TTC23L: variants seen among roughly 807,000 people sequenced by gnomAD.
The protein encoded by TTC23L is tetratricopeptide repeat protein 23-like.
TTC23L carries 42 observed loss-of-function variants against 48.1 expected under a neutral mutation model. The ratio of observed to expected loss-of-function variants is 0.87; its 90% CI spans 0.68 to 1.13. The LOEUF (loss-of-function observed/expected upper bound fraction) is 1.13, where lower values mean the gene tolerates loss of function less well. Among genes scored for constraint, TTC23L ranks in the 50% most tolerant of loss-of-function variants. TTC23L has a pLI of 0.00. For synonymous variants in TTC23L, 159 were observed against 157.2 expected, an observed-to-expected ratio of 1.01 and a Z score of -0.09; for missense variants, 391 against 421.0, an observed-to-expected ratio of 0.93 and a Z score of 0.62.
chr5:34,923,072 C>A, the TTC23L span: 1 of 1,567,002 alleles, frequency 6.4e-7, no homozygotes, highest in South Asian at 1.1e-5. Context: ...TTAAAATTAG[C>A]TATCCAAAAT....
At chr5:34,893,952 A>G (rs1763035372) in intron 9 of TTC23L, among the ~76,000 whole-genome samples, 1 of 152,212 alleles carries the variant, frequency 6.6e-6, no homozygotes, top group Non-Finnish European at 1.5e-5. Context: ...TTCAAAACAT[A>G]AAATGCCATT....
intron 2 of TTC23L, 147 bp from the exon 3 acceptor site, chr5:34,845,340 T>G: frequency 1.3e-6 from 1 of 776,602 alleles, no homozygotes; most frequent in Non-Finnish European, 1.9e-6. Context: ...GAGGGCGACG[T>G]GAGTTTACTG....
exon 5 of TTC23L, chr5:34,862,944 A>C: frequency 6.2e-7 from 1 of 1,613,990 alleles, no homozygotes; most frequent in Non-Finnish European, 8.5e-7. Context: ...CCAAGAATAC[A>C]CTGTTGACCT....
At chr5:34,847,228 C>T (rs1350850044) in intron 3 of TTC23L, among the ~76,000 whole-genome samples, 1 of 152,176 alleles carries the variant, frequency 6.6e-6, no homozygotes, top group Non-Finnish European at 1.5e-5. Flanking sequence ...TTGCAAAGGA[C>T]AGTCATCCTG....
chr5:34,841,611 A>G (rs1040715362), intron 2 of TTC23L, among the ~76,000 whole-genome samples: 12 of 152,118 alleles, frequency 7.9e-5, no homozygotes, highest in African/African-American at 2.9e-4. Flanking sequence ...TTGGCCTCTT[A>G]GGCTCAAGAG....
At chr5:34,850,394 T>C in intron 4 of TTC23L, 86 bp downstream of exon 4, 1 of 1,545,210 alleles carries the variant, frequency 6.5e-7, no homozygotes, top group East Asian at 2.3e-5. Context: ...TGGGCATGAC[T>C]AGGAGGGCCC....
chr5:34,884,025 A>C (rs537713508), intron 9 of TTC23L, among the ~76,000 whole-genome samples: 9 of 152,302 alleles, frequency 5.9e-5, no homozygotes, highest in Admixed American at 1.3e-4. Context: ...TAGCAAACTA[A>C]ATTTAACAGC....
At chr5:34,882,817 A>C (rs1762317510) in intron 9 of TTC23L, among the ~76,000 whole-genome samples, 1 of 152,132 alleles carries the variant, frequency 6.6e-6, no homozygotes, top group Non-Finnish European at 1.5e-5. Context: ...AGGCAGGAGG[A>C]TTGCTTGAGC....
chr5:34,867,175 T>A, intron 7 of TTC23L, 106 bp downstream of exon 7: 1 of 1,206,238 alleles, frequency 8.3e-7, no homozygotes, highest in Non-Finnish European at 1.2e-6. Context: ...GGGCTGGAAT[T>A]GATTCTGTTT....
At chr5:34,853,602 G>T (rs1759868757) in intron 4 of TTC23L, among the ~76,000 whole-genome samples, 1 of 152,088 alleles carries the variant, frequency 6.6e-6, no homozygotes, top group Non-Finnish European at 1.5e-5. Context: ...AATGGGTAGG[G>T]TAAAGGGGGG....
intron 3 of TTC23L, among the ~76,000 whole-genome samples, chr5:34,846,164 A>G (rs1346550233): frequency 6.6e-6 from 1 of 152,020 alleles, no homozygotes; most frequent in Non-Finnish European, 1.5e-5. Context: ...CAGCCTGGGT[A>G]ACAGAATGAG....
downstream of TTC23L, among the ~76,000 whole-genome samples, chr5:34,901,908 T>C (rs1763520166): frequency 6.6e-6 from 1 of 152,196 alleles, no homozygotes; most frequent in Non-Finnish European, 1.5e-5. Context: ...CAAACTGGAT[T>C]AAAAAGGCTT....
At chr5:34,842,405 G>A (rs1758762200) in intron 2 of TTC23L, among the ~76,000 whole-genome samples, 1 of 151,866 alleles carries the variant, frequency 6.6e-6, no homozygotes, top group Non-Finnish European at 1.5e-5. Flanking sequence ...TGTTTGGGGG[G>A]CCCCTATGTA....
chr5:34,916,036 G>A, the TTC23L span: 1 of 959,904 alleles, frequency 1.0e-6, no homozygotes, highest in Non-Finnish European at 1.5e-6. Context: ...CAATTCTCCC[G>A]GCCAGACTGG....
At chr5:34,886,345 G>A (rs142242471) in intron 9 of TTC23L, among the ~76,000 whole-genome samples, 176 of 139,614 alleles carry the variant, frequency 1.3e-3, no homozygotes, top group African/African-American at 4.4e-3. Context: ...ATGCTCCTTC[G>A]GAATTGCCAG....
exon 7 of TTC23L, chr5:34,866,924 C>G: frequency 6.2e-7 from 1 of 1,607,900 alleles, no homozygotes; most frequent in Non-Finnish European, 8.5e-7. Context: ...CTGAACCTAG[C>G]TCTGGCATAC....
Position 34,869,169 on chromosome 5 carries a change from A to C in TTC23L, c.949+156A>C, listed in dbSNP as rs1761269884. 5.1e-6 allele frequency: 3 copies of C among 587,764 alleles called. No homozygotes were observed. The South Asian group carries it at 5.9e-5, about 12-fold the overall frequency. The allele number at this position is 587,764 out of a possible 1,614,324, so 36.4% of individuals were successfully genotyped here. A position where few individuals can be genotyped will look rare whatever the true frequency, so the allele number is the denominator to read the frequency against. On this transcript the variant is annotated intron_variant, in intron 8 of 10. Transcript: ENST00000505624. ...TACAAAATCAATTACACATTAATTTAAACCTGATAATATACCCCCACATTC... is the reference window on the plus strand; with the variant it reads ...TACAAAATCAATTACACATTAATTTCAACCTGATAATATACCCCCACATTC...
chr5:34,908,955 A>T, the TTC23L span: 1 of 1,596,632 alleles, frequency 6.3e-7, no homozygotes, highest in Non-Finnish European at 8.5e-7. Flanking sequence ...GTATCTGTAG[A>T]AGAAAAAATA....
At chr5:34,855,579 G>A (rs935562268) in intron 4 of TTC23L, among the ~76,000 whole-genome samples, 5 of 152,120 alleles carry the variant, frequency 3.3e-5, no homozygotes, top group African/African-American at 7.2e-5. Context: ...TGATAACATG[G>A]ACAAGATTAT....
Sources: allele counts gnomAD v4.1 joint callset (sites outside exome capture counted in the v4.1 genomes callset), GRCh38; gene constraint gnomAD v4.1.1; transcripts MANE v1.5; gene names NCBI Gene and HGNC (gene_info 2026-07-23, HGNC 2026-07-21).